Variants in AFAP1 observed in about 807,000 individuals in gnomAD.
AFAP1 encodes the protein actin filament-associated protein 1.
A neutral mutation model predicts 93.9 loss-of-function variants in AFAP1; 75 were observed. The ratio of observed to expected loss-of-function variants is 0.80; its 90% CI spans 0.66 to 0.97. The LOEUF is 0.97. Among genes scored for constraint, AFAP1 ranks in the 50% least tolerant of loss-of-function variants. AFAP1 has a pLI of 0.00. For synonymous variants in AFAP1, 517 were observed against 430.7 expected, an observed-to-expected ratio of 1.20 and a Z score of -2.48; for missense variants, 1,201 against 1,050.8, an observed-to-expected ratio of 1.14 and a Z score of -1.98.
At chr4:7,869,719 T>G (rs1462224799) in intron 2 of AFAP1, among the ~76,000 whole-genome samples, 1 of 152,156 alleles carries the variant, frequency 6.6e-6, no homozygotes, top group Non-Finnish European at 1.5e-5. Context: ...ATGGGTCCAG[T>G]ACTACACTAG....
At chr4:7,810,316 G>A (rs758169294) in intron 8 of AFAP1, among the ~76,000 whole-genome samples, 5 of 152,190 alleles carry the variant, frequency 3.3e-5, no homozygotes, top group Non-Finnish European at 5.9e-5. Flanking sequence ...GCAGCCGGGC[G>A]GTCAGAGAAA....
chr4:7,895,797 A>G (rs952474494), intron 1 of AFAP1, among the ~76,000 whole-genome samples: 3 of 152,124 alleles, frequency 2.0e-5, no homozygotes, highest in Non-Finnish European at 4.4e-5. Context: ...AAAAAAGCAA[A>G]AAGACCACAT....
chr4:7,785,578 C>A (rs58790280), intron 12 of AFAP1, among the ~76,000 whole-genome samples: 14,789 of 152,140 alleles, frequency 0.097, 1,233 homozygotes, highest in East Asian at 0.48. Flanking sequence ...ACAAGTTATC[C>A]AAGTATTACT....
At chr4:7,878,511 A>G (rs2149193456) in intron 1 of AFAP1, among the ~76,000 whole-genome samples, 1 of 152,336 alleles carries the variant, frequency 6.6e-6, no homozygotes, top group East Asian at 1.9e-4. Flanking sequence ...GGTCAAGAAC[A>G]ACAGGTGCCC....
chr4:7,790,855 G>C (rs1717802667), intron 11 of AFAP1, among the ~76,000 whole-genome samples: 1 of 152,170 alleles, frequency 6.6e-6, no homozygotes, highest in Non-Finnish European at 1.5e-5. Context: ...GTGCACTGTA[G>C]AAAACCTCCA....
intron 3 of AFAP1, among the ~76,000 whole-genome samples, chr4:7,864,139 A>ACC (rs1392998171): frequency 1.3e-5 from 2 of 152,302 alleles, no homozygotes; most frequent in Non-Finnish European, 2.9e-5. Flanking sequence ...TCCCATCACA[A>ACC]CACATTCCCA....
At chr4:7,789,237 A>C (rs1005977993) in intron 11 of AFAP1, among the ~76,000 whole-genome samples, 5 of 152,192 alleles carry the variant, frequency 3.3e-5, no homozygotes, top group African/African-American at 9.6e-5. Context: ...TTGCAGCCAA[A>C]GACAGAAGTG....
At position 7,762,979 on chromosome 4, in the gene AFAP1, T is replaced by G. The variant is rs530672780; in HGVS notation, c.*786A>C. ...AAGGGGGAGGAGGGTGTACTGTTAG[T>G]GAAGTATTAAAACCCTCTGCTACCT... On this transcript the variant is annotated 3_prime_UTR_variant, in exon 18 of 18. Coordinates refer to ENST00000420658, the MANE Select transcript of AFAP1 (RefSeq NM_001134647.2). 3.9e-4 allele frequency: 60 copies of G among 152,172 alleles called. No homozygotes were observed. Among genetic ancestry groups the G allele is most frequent in the African/African-American group, 1.4e-3 (59 of 41,492 alleles). 9.4% of individuals were successfully genotyped at this position (152,172 alleles called of 1,614,324 possible). A position where few individuals can be genotyped will look rare whatever the true frequency, so the allele number is the denominator to read the frequency against.
At chr4:7,890,216 A>G (rs1718382646) in intron 1 of AFAP1, among the ~76,000 whole-genome samples, 1 of 152,218 alleles carries the variant, frequency 6.6e-6, no homozygotes, top group Non-Finnish European at 1.5e-5. Context: ...AAGTCCAGAA[A>G]TTCACCCACA....
intron 1 of AFAP1, among the ~76,000 whole-genome samples, chr4:7,926,275 T>A (rs1720730663): frequency 6.6e-6 from 1 of 152,222 alleles, no homozygotes; most frequent in African/African-American, 2.4e-5. Flanking sequence ...CAGACTTACA[T>A]GTGCCATAAT....
chr4:7,878,569 C>A (rs1200317932), intron 1 of AFAP1, among the ~76,000 whole-genome samples: 2 of 152,214 alleles, frequency 1.3e-5, no homozygotes, highest in Non-Finnish European at 2.9e-5. Flanking sequence ...ACAATACAGG[C>A]TCTCCTATTT....
At chr4:7,927,000 T>C (rs964387113) in intron 1 of AFAP1, among the ~76,000 whole-genome samples, 3 of 152,328 alleles carry the variant, frequency 2.0e-5, no homozygotes, top group South Asian at 2.1e-4. Flanking sequence ...CCTCCCAAAG[T>C]GCTGAGTCAG....
At chr4:7,857,629 A>G (rs1229318868) in intron 3 of AFAP1, among the ~76,000 whole-genome samples, 1 of 152,238 alleles carries the variant, frequency 6.6e-6, no homozygotes, top group Non-Finnish European at 1.5e-5. Context: ...AGGTCTGTAC[A>G]GGAGTCCACA....
At position 7,829,422 on chromosome 4, in the gene AFAP1, T is replaced by C. The variant is rs1721700785; in HGVS notation, c.726+9102A>G. On this transcript the variant is annotated intron_variant, in intron 6 of 17. Coordinates refer to ENST00000420658, the MANE Select transcript of AFAP1 (RefSeq NM_001134647.2). The stretch of plus-strand genomic sequence containing the variant: ...TTTCTCTGATATCCTACCACTTCCC[T>C]GAGGCCTCCTCTTAAAAGGAAATGG... Among the ~76,000 whole-genome samples the C allele has an allele frequency of 5.3e-5, 8 of 152,328 alleles. No individual in the cohort carries two copies. In the South Asian group the frequency reaches 1.7e-3, roughly 32 times the overall value.
At chr4:7,910,199 A>T (rs1362341460) in intron 1 of AFAP1, among the ~76,000 whole-genome samples, 2 of 152,170 alleles carry the variant, frequency 1.3e-5, no homozygotes, top group Non-Finnish European at 2.9e-5. Context: ...AAAAGCGCCC[A>T]GCTACATTTC....
chr4:7,799,542 C>T (rs1284463216), intron 10 of AFAP1, among the ~76,000 whole-genome samples: 2 of 152,196 alleles, frequency 1.3e-5, no homozygotes, highest in South Asian at 2.1e-4. Context: ...CCACCCAGCA[C>T]GCCTCACATG....
chr4:7,869,222 G>C (rs1716801892), intron 2 of AFAP1, among the ~76,000 whole-genome samples: 1 of 151,296 alleles, frequency 6.6e-6, no homozygotes, highest in Non-Finnish European at 1.5e-5. Context: ...TGGATGGAGG[G>C]AAGGAGGAAG....
intron 1 of AFAP1, among the ~76,000 whole-genome samples, chr4:7,908,207 G>A (rs59822927): frequency 8.8e-4 from 133 of 150,934 alleles, no homozygotes; most frequent in African/African-American, 3.0e-3. Flanking sequence ...GCAAGACTCT[G>A]TCTCAAAAAA....
chr4:7,888,463 A>T (rs1215377402), intron 1 of AFAP1, among the ~76,000 whole-genome samples: 2 of 152,224 alleles, frequency 1.3e-5, no homozygotes, highest in Admixed American at 6.5e-5. Flanking sequence ...TATGACCATA[A>T]GGAAATATTA....
Sources: gnomAD v4.1 joint callset for allele counts (sites outside exome capture counted in the v4.1 genomes callset) on GRCh38, gnomAD v4.1.1 for gene constraint, MANE v1.5 for transcripts, NCBI Gene and HGNC (gene_info 2026-07-23, HGNC 2026-07-21) for gene names.